C1QTNF3: variants seen among roughly 807,000 people sequenced by gnomAD.
C1QTNF3 encodes the protein C1q and TNF related 3.
A neutral mutation model predicts 32.6 loss-of-function variants in C1QTNF3; 26 were observed. The observed-to-expected ratio is 0.80, with a 90% CI of 0.58 to 1.11. The LOEUF (loss-of-function observed/expected upper bound fraction) is 1.11, where lower values mean the gene tolerates loss of function less well. Ranked by LOEUF, C1QTNF3 falls within the 50% of genes least tolerant of loss-of-function variation. The pLI, the probability that C1QTNF3 is intolerant of heterozygous loss-of-function variation, is 0.00. For synonymous variants in C1QTNF3, 155 were observed against 146.0 expected (o/e 1.06, Z -0.44); for missense variants, 362 against 398.2 (o/e 0.91, Z 0.77).
chr5:34,235,740 C>T, the C1QTNF3 span, among the ~76,000 whole-genome samples: 10 of 151,992 alleles, frequency 6.6e-5, no homozygotes, highest in Non-Finnish European at 1.5e-4. Flanking sequence ...TCATTTCAAC[C>T]CTCTGAGTTT....
At chr5:34,154,027 CAAAAT>C in the C1QTNF3 span, among the ~76,000 whole-genome samples, 9 of 87,038 alleles carry the variant, frequency 1.0e-4, no homozygotes, top group South Asian at 3.4e-4. Flanking sequence ...ATTAAACCTG[CAAAAT>C]AAAAAAAAAA....
chr5:34,213,819 T>A, the C1QTNF3 span, among the ~76,000 whole-genome samples: 2 of 9,094 alleles, frequency 2.2e-4, no homozygotes, highest in Non-Finnish European at 8.4e-4. Flanking sequence ...ATTTTTTTTT[T>A]TTTGTGTGTG....
chr5:34,026,694 G>C (rs1404831657), intron 4 of C1QTNF3, among the ~76,000 whole-genome samples: 1 of 152,002 alleles, frequency 6.6e-6, no homozygotes, highest in African/African-American at 2.4e-5. Context: ...AAACTGCCCT[G>C]GTCCTTTCTT....
chr5:34,170,021 G>T, the C1QTNF3 span, among the ~76,000 whole-genome samples: 36 of 152,160 alleles, frequency 2.4e-4, no homozygotes, highest in Non-Finnish European at 2.9e-5. Flanking sequence ...GCCAATATAT[G>T]GAAATGACCC....
upstream of C1QTNF3, among the ~76,000 whole-genome samples, chr5:34,044,125 G>A (rs1028760151): frequency 2.0e-5 from 3 of 152,148 alleles, no homozygotes; most frequent in Middle Eastern, 3.4e-3. Context: ...CACCAAACAC[G>A]TTATTTCAAA....
chr5:34,105,442 G>A, the C1QTNF3 span, among the ~76,000 whole-genome samples: 3 of 151,776 alleles, frequency 2.0e-5, no homozygotes, highest in South Asian at 2.1e-4. Context: ...CGTCTTTTGC[G>A]CCTGGCCATT....
chr5:34,028,676 C>G, intron 4 of C1QTNF3, 78 bp downstream of exon 4: 1 of 1,279,918 alleles, frequency 7.8e-7, no homozygotes, highest in Non-Finnish European at 1.1e-6. Context: ...GTCCCTCCCT[C>G]TCTTCTTTCC....
chr5:34,096,199 GA>G, the C1QTNF3 span, among the ~76,000 whole-genome samples: 1 of 151,496 alleles, frequency 6.6e-6, no homozygotes, highest in African/African-American at 2.4e-5. Context: ...ACAGATGCAA[GA>G]AATTTCCAAA....
At chr5:34,134,494 C>T in the C1QTNF3 span, among the ~76,000 whole-genome samples, 1,223 of 152,138 alleles carry the variant, frequency 8.0e-3, 26 homozygotes, top group African/African-American at 0.027. Flanking sequence ...ATCAGAACAC[C>T]GCTTATAACC....
chr5:34,041,229 T>A (rs1754865496), intron 1 of C1QTNF3, among the ~76,000 whole-genome samples: 1 of 151,976 alleles, frequency 6.6e-6, no homozygotes, highest in South Asian at 2.1e-4. Flanking sequence ...GGTAGAGGAG[T>A]TGTAGTGAAA....
chr5:34,054,815 C>G, the C1QTNF3 span, among the ~76,000 whole-genome samples: 1 of 152,128 alleles, frequency 6.6e-6, no homozygotes, highest in Admixed American at 6.6e-5. Context: ...CTACATCTGT[C>G]CATGTTTTTT....
chr5:34,081,571 G>A, the C1QTNF3 span, among the ~76,000 whole-genome samples: 727 of 151,328 alleles, frequency 4.8e-3, 35 homozygotes, highest in African/African-American at 0.017. Context: ...AAATGTAGGT[G>A]ATCGCCCCAA....
In C1QTNF3 at chr5:34,020,647, G is replaced by A; in HGVS notation, c.896C>T (p.Ala299Val). 1 of 1,614,196 alleles carries A rather than the reference G, an allele frequency of 6.2e-7. No homozygotes were observed. Among genetic ancestry groups the A allele is most frequent in the Non-Finnish European group, 8.5e-7 (1 of 1,180,038 alleles). ...GAAGCGTTGGTGGTCCCCATGGAGAGCGCCATTGCCCATTCGCAGCCAAAC... is the reference window on the plus strand; with the variant it reads ...GAAGCGTTGGTGGTCCCCATGGAGAACGCCATTGCCCATTCGCAGCCAAAC... ...DEVWLRMGNG[A>V]LHGDHQRFST... Residue 299 changes from alanine (A) to valine (V), a missense_variant, in exon 6 of 6, where the codon GCT becomes GTT. Physicochemically the swap from Ala to Val is moderately conservative, Grantham distance 64. Coordinates refer to ENST00000382065, the MANE Select transcript of C1QTNF3 (RefSeq NM_181435.6).
Position 34,020,620 on chromosome 5 carries a change from G to A in C1QTNF3, c.923C>T (p.Ser308Phe). Reference protein sequence around the residue: ...GALHGDHQRFSTFAGFLLFET... With the variant: ...GALHGDHQRFFTFAGFLLFET... ...AAAGAGCAGGAATCCTGCAAAGGTG[G>A]AGAAGCGTTGGTGGTCCCCATGGAG... Residue 308 changes from serine to phenylalanine, a missense_variant, in exon 6 of 6, where the codon TCC (serine) becomes TTC (phenylalanine). Ser to Phe is a radical substitution (Grantham distance 155). Transcript: ENST00000382065. The A allele has an allele frequency of 6.2e-7, 1 of 1,614,194 alleles. No homozygotes were observed. Among genetic ancestry groups the A allele is most frequent in the Non-Finnish European group, 8.5e-7 (1 of 1,180,028 alleles).
chr5:34,099,273 ATACTT>A, the C1QTNF3 span, among the ~76,000 whole-genome samples: 6 of 152,200 alleles, frequency 3.9e-5, no homozygotes, highest in East Asian at 3.8e-4. Context: ...TTATAAAACT[ATACTT>A]TAATGTTCTT....
intron 3 of C1QTNF3, among the ~76,000 whole-genome samples, chr5:34,029,423 A>G (rs1754557829): frequency 6.6e-6 from 1 of 152,144 alleles, no homozygotes; most frequent in East Asian, 1.9e-4. Flanking sequence ...TATAGGCGTG[A>G]GCCATGGTGC....
chr5:34,171,145 A>C, the C1QTNF3 span, among the ~76,000 whole-genome samples: 1 of 152,044 alleles, frequency 6.6e-6, no homozygotes, highest in African/African-American at 2.4e-5. Context: ...AGCTACCTAT[A>C]AAGTCATTTA....
At chr5:34,078,997 C>G in the C1QTNF3 span, among the ~76,000 whole-genome samples, 7 of 151,586 alleles carry the variant, frequency 4.6e-5, no homozygotes, top group Admixed American at 2.0e-4. The surrounding 1 kb of genome is among the most constrained non-coding windows in gnomAD (Gnocchi z 4.0). Flanking sequence ...TTTTCACACT[C>G]TAACAACACT....
chr5:34,068,764 C>T, the C1QTNF3 span, among the ~76,000 whole-genome samples: 3 of 152,084 alleles, frequency 2.0e-5, no homozygotes, highest in African/African-American at 7.2e-5. Context: ...TACAAAAATA[C>T]TGTTATCAAA....
Sources: allele counts gnomAD v4.1 joint callset (sites outside exome capture counted in the v4.1 genomes callset), GRCh38; gene constraint gnomAD v4.1.1; non-coding constraint Gnocchi (gnomAD v3.1); transcripts MANE v1.5; gene names NCBI Gene and HGNC (gene_info 2026-07-23, HGNC 2026-07-21).